The following CACNA2D2 variants were observed in gnomAD, a reference collection of about 807,000 sequenced individuals.
CACNA2D2 encodes voltage-dependent calcium channel subunit alpha-2/delta-2.
CACNA2D2 carries 48 observed loss-of-function variants against 166.4 expected under a neutral mutation model. The observed-to-expected ratio is 0.29, with a 90% CI of 0.23 to 0.37. The LOEUF (loss-of-function observed/expected upper bound fraction) is 0.37, where lower values mean the gene tolerates loss of function less well. Among genes scored for constraint, CACNA2D2 ranks in the 10% least tolerant of loss-of-function variants. CACNA2D2 has a pLI of 1.00. For synonymous variants in CACNA2D2, 561 were observed against 573.7 expected, an observed-to-expected ratio of 0.98 and a Z score of 0.32; for missense variants, 1,122 against 1,433.0, an observed-to-expected ratio of 0.78 and a Z score of 3.50.
intron 2 of CACNA2D2, among the ~76,000 whole-genome samples, chr3:50,443,686 T>C (rs768677240): frequency 2.0e-5 from 3 of 152,206 alleles, no homozygotes; most frequent in Non-Finnish European, 2.9e-5. Flanking sequence ...ACAGCCCAAG[T>C]AGACAGACCC....
At chr3:50,495,028 T>A (rs890697936) in intron 1 of CACNA2D2, among the ~76,000 whole-genome samples, 2 of 152,166 alleles carry the variant, frequency 1.3e-5, no homozygotes, top group African/African-American at 4.8e-5. Flanking sequence ...GAAGGCTGCA[T>A]AGGGAGTCGC....
At chr3:50,456,239 C>T (rs1709353227) in intron 2 of CACNA2D2, among the ~76,000 whole-genome samples, 1 of 152,156 alleles carries the variant, frequency 6.6e-6, no homozygotes, top group African/African-American at 2.4e-5. Flanking sequence ...AGGTAGGTAG[C>T]TTTTAATTAG....
intron 3 of CACNA2D2, among the ~76,000 whole-genome samples, chr3:50,425,785 A>T (rs1456540296): frequency 6.6e-6 from 1 of 151,952 alleles, no homozygotes; most frequent in African/African-American, 2.4e-5. Context: ...GGAGACACAT[A>T]CATCTCCCTC....
intron 5 of CACNA2D2, among the ~76,000 whole-genome samples, chr3:50,385,539 G>T (rs1705554063): frequency 6.6e-6 from 1 of 152,182 alleles, no homozygotes; most frequent in Non-Finnish European, 1.5e-5. Flanking sequence ...TCTCCACCCA[G>T]CCAGATGCGC....
intron 3 of CACNA2D2, among the ~76,000 whole-genome samples, chr3:50,431,727 G>A (rs569948591): frequency 5.3e-5 from 8 of 152,184 alleles, no homozygotes; most frequent in Non-Finnish European, 8.8e-5. Context: ...GCTCAGGCCT[G>A]TAATCCCAGC....
intron 2 of CACNA2D2, among the ~76,000 whole-genome samples, chr3:50,474,671 A>G (rs191353157): frequency 1.3e-5 from 2 of 152,334 alleles, no homozygotes. Flanking sequence ...GGTATAGCTT[A>G]TGTCCCGATA....
At position 50,375,075 on chromosome 3, in the gene CACNA2D2, G is replaced by C. The variant is rs1021365416; in HGVS notation, c.1908-262C>G. Among the ~76,000 whole-genome samples the C allele has an allele frequency of 6.6e-6, 1 of 152,160 alleles. No homozygotes were observed. The highest frequency in any genetic ancestry group is 2.4e-5 in the African/African-American group (1 of 41,432). On this transcript the variant is annotated intron_variant, in intron 21 of 37. Coordinates refer to ENST00000424201, the MANE Select transcript of CACNA2D2 (RefSeq NM_006030.4). This position sits in a 1 kb window ranked among gnomAD's most constrained non-coding sequence, Gnocchi z 4.0. ...CCCCACACCATCTCCCCTCCCAGCA[G>C]CCTCTCACAACAGCCCCCTGCCCAG...
At position 50,384,352 on chromosome 3, in the gene CACNA2D2, C is replaced by A. The variant is rs1351942166; in HGVS notation, c.511-15G>T. The A allele has an allele frequency of 2.5e-6, 4 of 1,612,250 alleles. No homozygotes were observed. The highest frequency in any genetic ancestry group is 2.2e-5 in the South Asian group (2 of 90,912). On this transcript the variant is annotated splice_polypyrimidine_tract_variant and intron_variant, in intron 5 of 37. Coordinates refer to ENST00000424201, the MANE Select transcript of CACNA2D2 (RefSeq NM_006030.4). ...TCAGGGTCGTCCTGCAGAAAGGGCACCCCCGAGCAATGTCAGGGCTGGAAA... is the reference window on the plus strand; with the variant it reads ...TCAGGGTCGTCCTGCAGAAAGGGCAACCCCGAGCAATGTCAGGGCTGGAAA...
At chr3:50,453,350 C>T (rs1346616099) in intron 2 of CACNA2D2, among the ~76,000 whole-genome samples, 1 of 152,232 alleles carries the variant, frequency 6.6e-6, no homozygotes, top group Non-Finnish European at 1.5e-5. Context: ...CTGCTTTGGT[C>T]CCTGCGCATC....
chr3:50,504,073 C>T (rs984367958), upstream of CACNA2D2: 1 of 152,294 alleles, frequency 6.6e-6, no homozygotes, highest in African/African-American at 2.4e-5. Context: ...ACTTACAGCC[C>T]CCGTGGCTCT....
rs1413474849 is a variant in CACNA2D2, at chr3:50,364,639, G to C, written c.*27C>G. ...AAGGCGAAGAGGCCGGGTGAGGTGG[G>C]AGTGGAGGTGGGGTGGGGCAGGGTG... On this transcript the variant is annotated 3_prime_UTR_variant, in exon 38 of 38. Transcript: ENST00000424201. 6.7e-7 allele frequency: 1 copy of C among 1,491,954 alleles called. No individual in the cohort carries two copies. Among genetic ancestry groups the C allele is most frequent in the East Asian group, 2.5e-5 (1 of 40,328 alleles). 92.4% of individuals were successfully genotyped at this position (1,491,954 alleles called of 1,614,324 possible).
intron 2 of CACNA2D2, among the ~76,000 whole-genome samples, chr3:50,454,510 G>A (rs943563003): frequency 1.3e-5 from 2 of 152,194 alleles, no homozygotes; most frequent in African/African-American, 4.8e-5. Context: ...TCAGGGCCTG[G>A]GAAAGCAATT....
At chr3:50,383,314 G>A (rs1705429858) in intron 6 of CACNA2D2, among the ~76,000 whole-genome samples, 1 of 152,114 alleles carries the variant, frequency 6.6e-6, no homozygotes, top group African/African-American at 2.4e-5. Flanking sequence ...GAGGACCCTG[G>A]GAATTCCCTG....
intron 13 of CACNA2D2, 44 bp downstream of exon 13, chr3:50,378,871 G>C (rs758534939): frequency 6.2e-7 from 1 of 1,609,766 alleles, no homozygotes; most frequent in African/African-American, 1.3e-5. Flanking sequence ...TCGACAAAAA[G>C]AAATGGCAGG....
chr3:50,464,132 C>G (rs1370467568), intron 2 of CACNA2D2, among the ~76,000 whole-genome samples: 1 of 152,214 alleles, frequency 6.6e-6, no homozygotes, highest in African/African-American at 2.4e-5. Context: ...CTGAAGCCCC[C>G]CCAGCGACCC....
chr3:50,397,312 C>T (rs1706210899), intron 3 of CACNA2D2, among the ~76,000 whole-genome samples: 1 of 152,228 alleles, frequency 6.6e-6, no homozygotes, highest in South Asian at 2.1e-4. Context: ...TCAATCAGTC[C>T]ATCCCTGGGC....
At chr3:50,491,939 A>G (rs1698538163) in intron 1 of CACNA2D2, among the ~76,000 whole-genome samples, 1 of 152,216 alleles carries the variant, frequency 6.6e-6, no homozygotes, top group Non-Finnish European at 1.5e-5. Context: ...GGATTGGTGC[A>G]GGGAACAGAG....
At chr3:50,404,239 A>G (rs1053470515) in intron 3 of CACNA2D2, among the ~76,000 whole-genome samples, 19 of 152,132 alleles carry the variant, frequency 1.2e-4, no homozygotes, top group African/African-American at 4.6e-4. Context: ...GAATCTAAGT[A>G]CAGGCCTCAC....
chr3:50,494,955 C>T (rs889428477), intron 1 of CACNA2D2, among the ~76,000 whole-genome samples: 6 of 152,214 alleles, frequency 3.9e-5, no homozygotes, highest in African/African-American at 1.2e-4. Context: ...GGAGTACAGG[C>T]GTCAGCCACT....
Sources: allele counts gnomAD v4.1 joint callset (sites outside exome capture counted in the v4.1 genomes callset), GRCh38; gene constraint gnomAD v4.1.1; non-coding constraint Gnocchi (gnomAD v3.1); transcripts MANE v1.5; gene names NCBI Gene and HGNC (gene_info 2026-07-23, HGNC 2026-07-21).